RIT2: variants seen among roughly 807,000 people sequenced by gnomAD.
RIT2 encodes GTP-binding protein Rit2.
A neutral mutation model predicts 23.7 loss-of-function variants in RIT2; 24 were observed. The observed-to-expected ratio is 1.01, with a 90% CI of 0.73 to 1.43. The LOEUF is 1.43. Among genes scored for constraint, RIT2 ranks in the 40% most tolerant of loss-of-function variants. RIT2 has a pLI of 0.00. For missense variants in RIT2, 236 were observed against 266.9 expected (o/e 0.88, Z 0.81); for synonymous variants, 107 against 91.1 (o/e 1.17, Z -0.99).
chr18:43,066,421 G>A (rs1912771645), intron 1 of RIT2, among the ~76,000 whole-genome samples: 1 of 152,182 alleles, frequency 6.6e-6, no homozygotes, highest in East Asian at 1.9e-4. Flanking sequence ...AAATTTAAAA[G>A]CACAATCAAA....
intron 4 of RIT2, among the ~76,000 whole-genome samples, chr18:42,818,853 C>G (rs1906069108): frequency 6.6e-6 from 1 of 151,884 alleles, no homozygotes. Flanking sequence ...TAGAATTGAT[C>G]TAGGTAGAAA....
intron 4 of RIT2, among the ~76,000 whole-genome samples, chr18:42,816,421 A>T (rs1906000632): frequency 6.6e-6 from 1 of 152,160 alleles, no homozygotes; most frequent in Non-Finnish European, 1.5e-5. Flanking sequence ...CTCAAATAGT[A>T]TTGTTATTGA....
chr18:42,904,718 GAATT>G (rs1407329346), intron 4 of RIT2, among the ~76,000 whole-genome samples: 1 of 151,930 alleles, frequency 6.6e-6, no homozygotes, highest in East Asian at 1.9e-4. Context: ...AAATAACAAA[GAATT>G]AGTTGGGATA....
At chr18:42,780,062 T>TG (rs1913774377) in intron 4 of RIT2, among the ~76,000 whole-genome samples, 2 of 138,184 alleles carry the variant, frequency 1.4e-5, no homozygotes, top group Non-Finnish European at 3.1e-5. Context: ...TTTTTTTTTT[T>TG]TTTTTTTTTT....
At chr18:42,830,170 C>T (rs1906415865) in intron 4 of RIT2, among the ~76,000 whole-genome samples, 1 of 152,184 alleles carries the variant, frequency 6.6e-6, no homozygotes, top group Non-Finnish European at 1.5e-5. Context: ...CAGCTGTACA[C>T]ACTGAACTAT....
At position 42,743,734 on chromosome 18, in the gene RIT2, AAAT is replaced by A. The variant is rs748575458; in HGVS notation, c.427-17_427-15del. On this transcript the variant is annotated splice_polypyrimidine_tract_variant and intron_variant, in intron 4 of 4. Transcript: ENST00000326695. ...TTCTGTAGAAACCTAAGGAAAAAAC[AAAT>A]AATATTAAAAAGACAGAAAGAGAAA... The A allele has an allele frequency of 6.5e-7, 1 of 1,540,282 alleles. No individual in the cohort carries two copies. The highest frequency in any genetic ancestry group is 1.4e-5 in the African/African-American group (1 of 72,302).
chr18:43,068,300 G>A (rs1218003894), intron 1 of RIT2, among the ~76,000 whole-genome samples: 1 of 152,076 alleles, frequency 6.6e-6, no homozygotes, highest in Non-Finnish European at 1.5e-5. Context: ...GATCACACAG[G>A]TAGTTAGGGT....
At chr18:42,903,764 A>G (rs1017521835) in intron 4 of RIT2, among the ~76,000 whole-genome samples, 39 of 152,146 alleles carry the variant, frequency 2.6e-4, no homozygotes, top group Admixed American at 1.1e-3. Flanking sequence ...GACTTATTTT[A>G]TAAGTCATTC....
At chr18:42,797,456 A>C (rs534401196) in intron 4 of RIT2, among the ~76,000 whole-genome samples, 111 of 152,356 alleles carry the variant, frequency 7.3e-4, no homozygotes, top group Non-Finnish European at 1.4e-3. Context: ...ACTCAAAAAA[A>C]ATCAAATTAC....
At chr18:43,112,435 CTG>C (rs1219699122) in intron 1 of RIT2, among the ~76,000 whole-genome samples, 1 of 152,186 alleles carries the variant, frequency 6.6e-6, no homozygotes, top group Non-Finnish European at 1.5e-5. Context: ...TAGTATAGGA[CTG>C]TGCATAATAC....
chr18:43,018,552 A>AC (rs893787736), intron 2 of RIT2, among the ~76,000 whole-genome samples: 1 of 151,896 alleles, frequency 6.6e-6, no homozygotes, highest in Non-Finnish European at 1.5e-5. Flanking sequence ...ATAGAAGGGA[A>AC]CCCCCATCAG....
chr18:42,883,952 G>A (rs1907957437), intron 4 of RIT2, among the ~76,000 whole-genome samples: 1 of 152,094 alleles, frequency 6.6e-6, no homozygotes, highest in Non-Finnish European at 1.5e-5. Context: ...ATAAAAGTTT[G>A]TAGGTTACTC....
In RIT2 at chr18:42,923,245, C is replaced by T. The variant is rs987766858; in HGVS notation, c.426+327G>A. On this transcript the variant is annotated intron_variant, in intron 4 of 4. Coordinates refer to ENST00000326695, the MANE Select transcript of RIT2 (RefSeq NM_002930.4). ...TTCTTTACTTGAACTCAAGGGTAAG[C>T]AGTTCAAGCGGCAATGGCAGAAACT... The T allele has an allele frequency of 2.0e-5, 4 of 197,110 alleles. No individual in the cohort carries two copies. The East Asian group carries it at 5.1e-4, about 25-fold the overall frequency. 12.2% of individuals were successfully genotyped at this position (197,110 alleles called of 1,614,324 possible). A position where few individuals can be genotyped will look rare whatever the true frequency, so the allele number is the denominator to read the frequency against.
At chr18:42,889,250 A>G (rs1490817730) in intron 4 of RIT2, among the ~76,000 whole-genome samples, 1 of 152,102 alleles carries the variant, frequency 6.6e-6, no homozygotes, top group Non-Finnish European at 1.5e-5. Context: ...GTATTCAAAT[A>G]TGAAGAGATT....
intron 4 of RIT2, among the ~76,000 whole-genome samples, chr18:42,830,043 T>C (rs2144006736): frequency 6.6e-6 from 1 of 152,240 alleles, no homozygotes; most frequent in East Asian, 1.9e-4. Flanking sequence ...ATAAAAAAAT[T>C]ACCAGAAGCA....
At chr18:43,088,914 T>C (rs560547251) in intron 1 of RIT2, among the ~76,000 whole-genome samples, 14 of 152,248 alleles carry the variant, frequency 9.2e-5, no homozygotes, top group Admixed American at 7.2e-4. Context: ...AGGCAAAGTT[T>C]TTATCATTGA....
chr18:42,814,401 C>T (rs1163559067), intron 4 of RIT2, among the ~76,000 whole-genome samples: 2 of 152,130 alleles, frequency 1.3e-5, no homozygotes, highest in Non-Finnish European at 2.9e-5. Context: ...GTGAGAACAG[C>T]CCTTTGGATT....
Position 42,743,529 on chromosome 18 carries a change from T to G in RIT2, c.618A>C (p.Lys206Asn). ...KRKDSLWKKL[K>N]GSLKKKRENM... is the part of the protein sequence containing the mutation. ...TTTCTCTCTTCTTCTTCAAAGAACC[T>G]TTGAGCTTCTTCCACAGGCTGTCTT... Residue 206 changes from lysine to asparagine, a missense_variant, in exon 5 of 5, where the codon AAA becomes AAC. By Grantham distance (94) the Lys-to-Asn change is moderately conservative. Coordinates refer to ENST00000326695, the MANE Select transcript of RIT2 (RefSeq NM_002930.4). The G allele has an allele frequency of 2.5e-6, 4 of 1,613,952 alleles. No homozygotes were observed. Among genetic ancestry groups the G allele is most frequent in the Non-Finnish European group, 3.4e-6 (4 of 1,179,876 alleles).
chr18:42,862,439 A>T (rs982084373), intron 4 of RIT2, among the ~76,000 whole-genome samples: 2 of 152,232 alleles, frequency 1.3e-5, no homozygotes, highest in Non-Finnish European at 2.9e-5. Flanking sequence ...AAAATAAGCT[A>T]CAATAAAATG....
Sources: allele counts gnomAD v4.1 joint callset (sites outside exome capture counted in the v4.1 genomes callset), GRCh38; gene constraint gnomAD v4.1.1; transcripts MANE v1.5; gene names NCBI Gene and HGNC (gene_info 2026-07-23, HGNC 2026-07-21).